Variants in VDAC1 observed in about 807,000 individuals in gnomAD.
VDAC1 encodes the protein non-selective voltage-gated ion channel VDAC1.
VDAC1 carries 10 observed loss-of-function variants against 34.7 expected under a neutral mutation model. The observed-to-expected ratio is 0.29, with a 90% CI of 0.18 to 0.49. The LOEUF (loss-of-function observed/expected upper bound fraction) is 0.49. Ranked by LOEUF, VDAC1 falls within the 20% of genes least tolerant of loss-of-function variation. The pLI is 0.99. For synonymous variants in VDAC1, 130 were observed against 136.0 expected (o/e 0.96, Z 0.30); for missense variants, 230 against 347.9 (o/e 0.66, Z 2.69).
At chr5:134,086,017 A>G in the VDAC1 span, among the ~76,000 whole-genome samples, 1 of 152,072 alleles carries the variant, frequency 6.6e-6, no homozygotes, top group Non-Finnish European at 1.5e-5. Context: ...ATATGGTGAA[A>G]CCCTGTGTCT....
At chr5:134,085,063 C>T in the VDAC1 span, among the ~76,000 whole-genome samples, 12 of 32,810 alleles carry the variant, frequency 3.7e-4, no homozygotes, top group South Asian at 6.6e-3. Context: ...AAGATGATCT[C>T]TTTTTTTCTT....
the VDAC1 span, among the ~76,000 whole-genome samples, chr5:134,043,540 CT>C: frequency 3.3e-5 from 5 of 150,792 alleles, no homozygotes; most frequent in African/African-American, 1.2e-4. Context: ...TTTCTTTTTT[CT>C]TTTTTTTTCC....
chr5:134,026,925 A>T, the VDAC1 span, among the ~76,000 whole-genome samples: 1 of 152,190 alleles, frequency 6.6e-6, no homozygotes, highest in Non-Finnish European at 1.5e-5. Flanking sequence ...AGCTGCAAAG[A>T]TTTCATTCCC....
the VDAC1 span, among the ~76,000 whole-genome samples, chr5:134,089,595 C>T: frequency 6.6e-6 from 1 of 152,198 alleles, no homozygotes; most frequent in African/African-American, 2.4e-5. Context: ...CCCCATCATG[C>T]CTTTCCCTGC....
chr5:134,099,531 G>A, the VDAC1 span, among the ~76,000 whole-genome samples: 1 of 152,146 alleles, frequency 6.6e-6, no homozygotes, highest in African/African-American at 2.4e-5. Context: ...TGAACATGCT[G>A]CACGGCCTCC....
At chr5:133,995,449 G>GC (rs1322160189) in intron 1 of VDAC1, among the ~76,000 whole-genome samples, 1 of 151,880 alleles carries the variant, frequency 6.6e-6, no homozygotes, top group African/African-American at 2.4e-5. Flanking sequence ...CCCGTTCTGG[G>GC]CCCCCAAGTA....
At chr5:134,026,832 T>G in the VDAC1 span, among the ~76,000 whole-genome samples, 1 of 152,176 alleles carries the variant, frequency 6.6e-6, no homozygotes, top group African/African-American at 2.4e-5. Flanking sequence ...CAAGACAGAT[T>G]TTCCCCTGTG....
chr5:134,063,610 G>A, the VDAC1 span, among the ~76,000 whole-genome samples: 58 of 152,130 alleles, frequency 3.8e-4, no homozygotes, highest in African/African-American at 1.2e-3. Flanking sequence ...ATAACCTGAC[G>A]GAGACATGTG....
chr5:134,087,246 G>A, the VDAC1 span, among the ~76,000 whole-genome samples: 1 of 152,088 alleles, frequency 6.6e-6, no homozygotes, highest in Admixed American at 6.5e-5. Flanking sequence ...AACAGATCAG[G>A]CCCTCAGATC....
At chr5:134,044,328 C>T in the VDAC1 span, among the ~76,000 whole-genome samples, 1 of 152,360 alleles carries the variant, frequency 6.6e-6, no homozygotes, top group East Asian at 1.9e-4. Flanking sequence ...CAGGTGTCTG[C>T]ACAACGGCCC....
chr5:134,052,087 A>G, the VDAC1 span, among the ~76,000 whole-genome samples: 4 of 152,112 alleles, frequency 2.6e-5, no homozygotes, highest in Non-Finnish European at 5.9e-5. Flanking sequence ...ATAACCCCTC[A>G]TTTGAAAGGC....
chr5:134,084,592 C>T, the VDAC1 span, among the ~76,000 whole-genome samples: 1 of 152,242 alleles, frequency 6.6e-6, no homozygotes, highest in African/African-American at 2.4e-5. Flanking sequence ...TGGCTACCTC[C>T]AGCCTGCTGT....
chr5:134,030,985 G>A, the VDAC1 span, among the ~76,000 whole-genome samples: 2 of 151,994 alleles, frequency 1.3e-5, no homozygotes, highest in African/African-American at 4.8e-5. Context: ...CCCTTCCCTA[G>A]GGATCCCAAG....
At chr5:134,077,168 T>G in the VDAC1 span, among the ~76,000 whole-genome samples, 1 of 150,888 alleles carries the variant, frequency 6.6e-6, no homozygotes, top group African/African-American at 2.5e-5. Context: ...TCCCAGCTAC[T>G]TGGGAGGCTG....
At chr5:134,012,555 A>G in the VDAC1 span, among the ~76,000 whole-genome samples, 6 of 152,148 alleles carry the variant, frequency 3.9e-5, no homozygotes, top group African/African-American at 1.2e-4. Flanking sequence ...CACCCTTTCC[A>G]CCATGTAAAG....
chr5:133,981,732 T>C (rs973049603), intron 5 of VDAC1, among the ~76,000 whole-genome samples: 2 of 152,206 alleles, frequency 1.3e-5, no homozygotes, highest in Admixed American at 6.5e-5. Context: ...ACCATGTCTT[T>C]TACCAAAAGT....
chr5:134,052,058 C>T, the VDAC1 span, among the ~76,000 whole-genome samples: 2 of 151,388 alleles, frequency 1.3e-5, no homozygotes, highest in African/African-American at 4.9e-5. Context: ...GACTCTCTGA[C>T]CTTCCCCTGA....
At chr5:133,990,703 G>T in intron 5 of VDAC1, 152 bp downstream of exon 5, 2 of 830,698 alleles carry the variant, frequency 2.4e-6, no homozygotes, top group Non-Finnish European at 3.7e-6. Flanking sequence ...TACGACCCCT[G>T]GGACCAAATC....
the VDAC1 span, among the ~76,000 whole-genome samples, chr5:134,110,654 G>A: frequency 4.6e-5 from 7 of 152,232 alleles, no homozygotes; most frequent in African/African-American, 1.7e-4. Flanking sequence ...GCCTCCCGGC[G>A]GCTTTGGGCA....
Sources: gnomAD v4.1 joint callset for allele counts (sites outside exome capture counted in the v4.1 genomes callset) on GRCh38, gnomAD v4.1.1 for gene constraint, MANE v1.5 for transcripts, NCBI Gene and HGNC (gene_info 2026-07-23, HGNC 2026-07-21) for gene names.